Variants in FGF1 observed in about 807,000 individuals in gnomAD.
FGF1 encodes fibroblast growth factor 1, also known as beta-endothelial cell growth factor.
Under a neutral mutation model 13.4 loss-of-function variants are expected in FGF1, and 9 were observed. The observed-to-expected ratio is 0.67, with a 90% confidence interval of 0.40 to 1.17. The LOEUF is 1.17. FGF1 is among the 50% of genes most tolerant of loss of function. FGF1 has a pLI of 0.01. For missense variants in FGF1, 156 were observed against 192.7 expected (o/e 0.81, Z 1.13); for synonymous variants, 93 against 79.0 (o/e 1.18, Z -0.94).
intron 1 of FGF1, among the ~76,000 whole-genome samples, chr5:142,648,717 CA>C (rs1319581812): frequency 2.5e-5 from 2 of 81,244 alleles, no homozygotes; most frequent in Non-Finnish European, 5.1e-5. Context: ...AAAAAAAGAA[CA>C]AGTGTCTTGA....
Position 142,678,508 on chromosome 5 carries a change from A to G in FGF1, c.-35+7449T>C, listed in dbSNP as rs192250370. On this transcript the variant is annotated intron_variant, in intron 1 of 3. Transcript: ENST00000337706. Reference sequence around the variant, plus strand: ...CTTGCTGCTTCTTGGTGACATCATGAAAAAGGCAAATTGGGCTTCGGGTAC... The same window carrying G: ...CTTGCTGCTTCTTGGTGACATCATGGAAAAGGCAAATTGGGCTTCGGGTAC... 1.6e-3 allele frequency among the ~76,000 whole-genome samples: 247 copies of G among 152,174 alleles called. 1 individual carries two copies. The highest frequency in any genetic ancestry group is 1.7e-3 in the South Asian group (8 of 4,816).
At chr5:142,613,586 C>T (rs1597120145) in intron 2 of FGF1, among the ~76,000 whole-genome samples, 1 of 152,240 alleles carries the variant, frequency 6.6e-6, no homozygotes, top group African/African-American at 2.4e-5. Flanking sequence ...GGATTTACCA[C>T]CATGCCTGTC....
intron 1 of FGF1, among the ~76,000 whole-genome samples, chr5:142,618,935 T>TG (rs1259873935): frequency 4.5e-5 from 6 of 132,018 alleles, no homozygotes; most frequent in East Asian, 2.5e-4. Flanking sequence ...TTTTGTTTTT[T>TG]TTTTTTTTTT....
intron 1 of FGF1, among the ~76,000 whole-genome samples, chr5:142,635,937 G>T (rs1445867160): frequency 6.6e-6 from 1 of 152,174 alleles, no homozygotes; most frequent in Non-Finnish European, 1.5e-5. Context: ...ATTTAAAAGC[G>T]GTGGCCCTGG....
At chr5:142,663,362 C>A (rs1413809201) in intron 1 of FGF1, among the ~76,000 whole-genome samples, 1 of 152,082 alleles carries the variant, frequency 6.6e-6, no homozygotes, top group Non-Finnish European at 1.5e-5. Context: ...GAAGTAAAAT[C>A]AGAAAAGGAG....
intron 2 of FGF1, among the ~76,000 whole-genome samples, chr5:142,612,788 G>A (rs1759354178): frequency 6.6e-6 from 1 of 152,092 alleles, no homozygotes; most frequent in Non-Finnish European, 1.5e-5. Context: ...AGTGGGTGGG[G>A]AGGAAGGAAC....
upstream of FGF1, among the ~76,000 whole-genome samples, chr5:142,688,943 G>A (rs1457516987): frequency 1.3e-5 from 2 of 152,212 alleles, no homozygotes; most frequent in African/African-American, 4.8e-5. Flanking sequence ...CTTATTTTGT[G>A]CTCAGTGTCT....
At position 142,600,750 on chromosome 5, in the gene FGF1, C is replaced by G; in HGVS notation, c.225G>C (p.Glu75Asp). The change falls in exon 3 of 4, where the codon GAG becomes GAC. Residue 75 changes from glutamate (E) to aspartate (D), a missense_variant. Transcript: ENST00000337706. Reference sequence around the variant, plus strand: ...TGTCCATGGCCAAGTACTGGCCAGTCTCGGTACTCTTTATATACACCTCCC... The same window carrying G: ...TGTCCATGGCCAAGTACTGGCCAGTGTCGGTACTCTTTATATACACCTCCC... ...SVGEVYIKSTETGQYLAMDTD... is the reference protein window; with the variant it reads ...SVGEVYIKSTDTGQYLAMDTD... The G allele has an allele frequency of 1.2e-6, 2 of 1,614,026 alleles. No individual in the cohort carries two copies. Among genetic ancestry groups the G allele is most frequent in the Non-Finnish European group, 1.7e-6 (2 of 1,179,896 alleles).
At chr5:142,687,452 T>C (rs1356522420), upstream of FGF1, among the ~76,000 whole-genome samples, 1 of 152,186 alleles carries the variant, frequency 6.6e-6, no homozygotes, top group African/African-American at 2.4e-5. Flanking sequence ...CAAAAGGGAC[T>C]TGAATATACA....
At chr5:142,697,952 G>A (rs1037257323) in exon 1 of FGF1, 5 of 152,306 alleles carry the variant, frequency 3.3e-5, no homozygotes, top group Admixed American at 2.6e-4. Flanking sequence ...GGATCCTGGA[G>A]AGGAAGGCTG....
At chr5:142,601,163 C>G (rs367689454) in intron 2 of FGF1, 1 of 506,246 alleles carries the variant, frequency 2.0e-6, no homozygotes, top group East Asian at 5.6e-5. Flanking sequence ...CTCACTCCCC[C>G]GGGCTCCCTC....
intron 1 of FGF1, among the ~76,000 whole-genome samples, chr5:142,656,755 C>T (rs1032945856): frequency 6.6e-6 from 1 of 152,066 alleles, no homozygotes; most frequent in African/African-American, 2.4e-5. Flanking sequence ...AGCCTCAGGA[C>T]AATATATCCA....
intron 1 of FGF1, among the ~76,000 whole-genome samples, chr5:142,626,150 G>T (rs912314791): frequency 3.3e-5 from 5 of 151,708 alleles, no homozygotes; most frequent in African/African-American, 1.2e-4. Flanking sequence ...TGTTAGGAAA[G>T]TATTTTTGTT....
chr5:142,663,283 T>G (rs1769639738), intron 1 of FGF1, among the ~76,000 whole-genome samples: 1 of 152,080 alleles, frequency 6.6e-6, no homozygotes, highest in African/African-American at 2.4e-5. Context: ...TAATGAGCTT[T>G]TCCAGCAGAA....
At chr5:142,624,985 A>G (rs935135152) in intron 1 of FGF1, among the ~76,000 whole-genome samples, 1 of 152,230 alleles carries the variant, frequency 6.6e-6, no homozygotes, top group Non-Finnish European at 1.5e-5. Context: ...CCCAGACACC[A>G]CTGGAGTTGT....
intron 2 of FGF1, among the ~76,000 whole-genome samples, chr5:142,612,449 G>T (rs1432145967): frequency 1.3e-5 from 2 of 152,166 alleles, no homozygotes; most frequent in Admixed American, 6.5e-5. Context: ...TCAGAAAATT[G>T]GTTAAGACGT....
upstream of FGF1, among the ~76,000 whole-genome samples, chr5:142,690,847 G>T (rs1302952350): frequency 1.3e-5 from 2 of 152,160 alleles, no homozygotes; most frequent in East Asian, 3.9e-4. Context: ...CATACTCATT[G>T]CTCACCGTGC....
intron 2 of FGF1, among the ~76,000 whole-genome samples, chr5:142,603,038 A>G (rs571791926): frequency 2.0e-5 from 3 of 152,222 alleles, no homozygotes; most frequent in Non-Finnish European, 4.4e-5. Context: ...ACAGGAAGGA[A>G]CTGGAAGCCA....
intron 1 of FGF1, among the ~76,000 whole-genome samples, chr5:142,645,044 G>A (rs994259294): frequency 2.0e-5 from 3 of 152,024 alleles, no homozygotes; most frequent in Admixed American, 1.3e-4. Context: ...GGTGCATTGT[G>A]GGCAGCGTCT....
Sources: gnomAD v4.1 joint callset for allele counts (sites outside exome capture counted in the v4.1 genomes callset) on GRCh38, gnomAD v4.1.1 for gene constraint, MANE v1.5 for transcripts, NCBI Gene and HGNC (gene_info 2026-07-23, HGNC 2026-07-21) for gene names.